TMX4: variants seen among roughly 807,000 people sequenced by gnomAD.
The protein encoded by TMX4 is thioredoxin-related transmembrane protein 4.
In TMX4, 23 loss-of-function variants were observed where a neutral mutation model predicts 33.3. The observed-to-expected ratio is 0.69, with a 90% CI of 0.50 to 0.98. The LOEUF is 0.98. TMX4 is among the 50% of genes least tolerant of loss of function. The pLI, the probability that TMX4 is intolerant of heterozygous loss-of-function variation, is 0.00. For synonymous variants in TMX4, 164 were observed against 161.5 expected, an observed-to-expected ratio of 1.02 and a Z score of -0.12; for missense variants, 399 against 448.9, an observed-to-expected ratio of 0.89 and a Z score of 1.01.
chr20:7,989,975 T>C (rs1479228995), intron 5 of TMX4, among the ~76,000 whole-genome samples: 2 of 152,140 alleles, frequency 1.3e-5, no homozygotes, highest in Admixed American at 6.5e-5. Context: ...CATGATACCT[T>C]ATACTATGGT....
intron 5 of TMX4, among the ~76,000 whole-genome samples, chr20:7,991,719 G>T (rs2050655756): frequency 6.6e-6 from 1 of 151,988 alleles, no homozygotes; most frequent in Non-Finnish European, 1.5e-5. Context: ...GTAAAATAAT[G>T]AAGACAATAA....
At position 7,999,817 on chromosome 20, in the gene TMX4, A is replaced by G. The variant is rs142078847; in HGVS notation, c.382T>C (p.Phe128Leu). Residue 128 changes from phenylalanine (F) to leucine (L), a missense_variant, in exon 4 of 8, where the codon TTC becomes CTC. Coordinates refer to ENST00000246024, the MANE Select transcript of TMX4 (RefSeq NM_021156.4). ...AAGATATAATTCTGCAGGTCTTCGA[A>G]GATTCCTGGGCCACGATAACGGCGG... The part of the protein sequence containing the change: ...IFRRYRGPGI[F>L]EDLQNYILEK... 9.7e-5 allele frequency: 156 copies of G among 1,613,798 alleles called. No homozygotes were observed. The African/African-American group carries it at 1.9e-3, about 20-fold the overall frequency.
chr20:8,012,573 G>A (rs1285823950), intron 1 of TMX4, among the ~76,000 whole-genome samples: 5 of 152,068 alleles, frequency 3.3e-5, no homozygotes, highest in Non-Finnish European at 5.9e-5. Flanking sequence ...TTATAAGAAA[G>A]TAACAAGAAT....
At chr20:8,003,964 C>T (rs2050717305) in intron 2 of TMX4, among the ~76,000 whole-genome samples, 1 of 152,056 alleles carries the variant, frequency 6.6e-6, no homozygotes, top group African/African-American at 2.4e-5. Context: ...CAGCACCCAA[C>T]TCAGACACGA....
At chr20:8,001,664 T>G (rs1322539641) in intron 2 of TMX4, 123 bp from the exon 3 acceptor site, 2 of 971,438 alleles carry the variant, frequency 2.1e-6, no homozygotes, top group Non-Finnish European at 3.0e-6. Flanking sequence ...TTACTATTTT[T>G]TTTGACTTAC....
chr20:7,995,902 T>A, intron 5 of TMX4, 124 bp downstream of exon 5: 1 of 814,812 alleles, frequency 1.2e-6, no homozygotes, highest in Non-Finnish European at 1.9e-6. Flanking sequence ...AGTAGTTGCA[T>A]GGCTTAAGAA....
At chr20:8,013,126 C>T (rs2050759433) in intron 1 of TMX4, among the ~76,000 whole-genome samples, 1 of 151,602 alleles carries the variant, frequency 6.6e-6, no homozygotes, top group African/African-American at 2.4e-5. Flanking sequence ...ATGCTCCTCT[C>T]TCACTCTGTG....
intron 5 of TMX4, among the ~76,000 whole-genome samples, chr20:7,988,325 A>G (rs17334672): frequency 0.014 from 2,169 of 152,354 alleles, 24 homozygotes; most frequent in South Asian, 0.063. Context: ...GATGAAAATG[A>G]GTCCAAGTTT....
At chr20:7,991,201 C>A (rs2050653113) in intron 5 of TMX4, among the ~76,000 whole-genome samples, 1 of 152,130 alleles carries the variant, frequency 6.6e-6, no homozygotes. Flanking sequence ...TGTAGCACAT[C>A]TTATTTTAGC....
rs1600137048 is a variant in TMX4 at position 7,977,949 on chromosome 20, T to C, written c.*4302A>G. 1 of 152,342 alleles carries C rather than the reference T, an allele frequency of 6.6e-6. No individual in the cohort carries two copies. Among genetic ancestry groups the C allele is most frequent in the East Asian group, 1.9e-4 (1 of 5,174 alleles). The allele number at this position is 152,342 out of a possible 1,614,324, so 9.4% of individuals were successfully genotyped here. On this transcript the variant is annotated 3_prime_UTR_variant, in exon 8 of 8. Coordinates refer to ENST00000246024, the MANE Select transcript of TMX4 (RefSeq NM_021156.4). Reference sequence around the variant, plus strand: ...TGAAGTTCTTACTTCCAGAAAGCTGTTCAAAAAGCTGCCCCATCAGGTTCA... The same window carrying C: ...TGAAGTTCTTACTTCCAGAAAGCTGCTCAAAAAGCTGCCCCATCAGGTTCA...
intron 2 of TMX4, 147 bp from the exon 3 acceptor site, chr20:8,001,688 C>CTG: frequency 2.6e-6 from 2 of 781,990 alleles, no homozygotes; most frequent in Non-Finnish European, 4.1e-6. Context: ...AATTTCATTT[C>CTG]TACCTATTTT....
At chr20:8,019,124 G>T (rs1459252163) in intron 1 of TMX4, 1 of 484,134 alleles carries the variant, frequency 2.1e-6, no homozygotes, top group Non-Finnish European at 3.9e-6. Context: ...CGAAAACACT[G>T]TCCCCCAAAG....
At chr20:8,002,500 T>C (rs1434151733) in intron 2 of TMX4, among the ~76,000 whole-genome samples, 1 of 152,142 alleles carries the variant, frequency 6.6e-6, no homozygotes, top group Non-Finnish European at 1.5e-5. Context: ...AATATTTGCA[T>C]GGGCACCAAG....
At chr20:8,003,832 C>A (rs991379225) in intron 2 of TMX4, among the ~76,000 whole-genome samples, 2 of 152,116 alleles carry the variant, frequency 1.3e-5, no homozygotes, top group South Asian at 2.1e-4. Context: ...ATTTACAAGG[C>A]CATCAATTAA....
chr20:8,004,825 T>C (rs192924219), intron 2 of TMX4, among the ~76,000 whole-genome samples: 103 of 152,282 alleles, frequency 6.8e-4, no homozygotes, highest in Non-Finnish European at 9.3e-4. Context: ...TATCCTAGCC[T>C]CAGTTTTCTG....
rs753417793 is a variant in TMX4 at position 7,982,404 on chromosome 20, C to A, written c.897G>T (p.Gln299His). ...VDEERSEAND[Q>H]GPPGEDGVTR... ...TCACACCGTCCTCTCCTGGGGGCCC[C>A]TGATCATTGGCCTCACTTCTCTCCT... The change falls in exon 8 of 8, where the codon CAG (glutamine) becomes CAT (histidine). Residue 299 changes from glutamine (Q) to histidine (H), a missense_variant. Coordinates refer to ENST00000246024, the MANE Select transcript of TMX4 (RefSeq NM_021156.4). 5.6e-6 allele frequency: 9 copies of A among 1,614,098 alleles called. No individual in the cohort carries two copies. Among genetic ancestry groups the A allele is most frequent in the Non-Finnish European group, 7.6e-6 (9 of 1,180,028 alleles).
chr20:7,983,945 A>T, intron 6 of TMX4, 88 bp from the exon 7 acceptor site: 1 of 911,178 alleles, frequency 1.1e-6, no homozygotes, highest in Non-Finnish European at 1.8e-6. Context: ...CTATAATCAG[A>T]TATTCTTAGA....
At chr20:7,985,614 T>C (rs1018170598) in intron 6 of TMX4, among the ~76,000 whole-genome samples, 13 of 152,186 alleles carry the variant, frequency 8.5e-5, no homozygotes, top group Admixed American at 3.3e-4. Context: ...TTGTTATTTT[T>C]TGGAAACTTA....
intron 1 of TMX4, among the ~76,000 whole-genome samples, chr20:8,012,734 T>C (rs1019224794): frequency 5.3e-5 from 8 of 152,180 alleles, no homozygotes; most frequent in Non-Finnish European, 1.0e-4. Flanking sequence ...AATCTCTAGA[T>C]AGGCTATTAC....
Sources: gnomAD v4.1 joint callset for allele counts (sites outside exome capture counted in the v4.1 genomes callset) on GRCh38, gnomAD v4.1.1 for gene constraint, MANE v1.5 for transcripts, NCBI Gene and HGNC (gene_info 2026-07-23, HGNC 2026-07-21) for gene names.